SPRR2G: variants seen among roughly 807,000 people sequenced by gnomAD.
SPRR2G encodes the protein small proline-rich protein 2G.
In SPRR2G, 1 loss-of-function variant was observed where a neutral mutation model predicts 0.7. The observed-to-expected ratio is 1.49, with a 90% CI of 0.53 to 7.06. SPRR2G has a LOEUF of 7.06. Ranked by LOEUF, SPRR2G falls within the 30% of genes most tolerant of loss-of-function variation. SPRR2G has a pLI of 0.14. For synonymous variants in SPRR2G, 38 were observed against 33.9 expected (o/e 1.12, Z -0.42); for missense variants, 96 against 88.5 (o/e 1.09, Z -0.34).
At chr1:153,201,605 G>A in the SPRR2G span, among the ~76,000 whole-genome samples, 3 of 152,178 alleles carry the variant, frequency 2.0e-5, no homozygotes, top group South Asian at 4.1e-4. Flanking sequence ...TCTTATGAAA[G>A]GAGTGAGCTG....
At chr1:153,182,585 CCTCT>C in the SPRR2G span, among the ~76,000 whole-genome samples, 2 of 152,054 alleles carry the variant, frequency 1.3e-5, no homozygotes, top group African/African-American at 2.4e-5. Flanking sequence ...TGTTCCCCTC[CCTCT>C]GTCCATGTGT....
the SPRR2G span, among the ~76,000 whole-genome samples, chr1:153,196,881 G>A: frequency 1.3e-5 from 2 of 152,170 alleles, no homozygotes; most frequent in African/African-American, 2.4e-5. Context: ...TATTGCCCTT[G>A]CTTGTAGCTG....
At chr1:153,173,324 G>A in the SPRR2G span, among the ~76,000 whole-genome samples, 4 of 152,158 alleles carry the variant, frequency 2.6e-5, no homozygotes, top group African/African-American at 9.7e-5. Flanking sequence ...CAGAGCCTGT[G>A]GTTTGGACAA....
chr1:153,165,626 G>A, the SPRR2G span, among the ~76,000 whole-genome samples: 2 of 152,274 alleles, frequency 1.3e-5, no homozygotes, highest in South Asian at 2.1e-4. Context: ...TGGTCCAGAG[G>A]TTAAGAAAAC....
At chr1:153,190,385 C>G in the SPRR2G span, 1 of 152,302 alleles carries the variant, frequency 6.6e-6, no homozygotes, top group African/African-American at 2.4e-5. Flanking sequence ...CTAGAAGATG[C>G]TACCTGTCTT....
the SPRR2G span, among the ~76,000 whole-genome samples, chr1:153,183,755 T>G: frequency 6.6e-6 from 1 of 152,222 alleles, no homozygotes; most frequent in Non-Finnish European, 1.5e-5. Flanking sequence ...TGGCTTTTGT[T>G]GCAATTGCTT....
At chr1:153,154,225 G>T (rs1656534139), upstream of SPRR2G, among the ~76,000 whole-genome samples, 1 of 151,324 alleles carries the variant, frequency 6.6e-6, no homozygotes, top group South Asian at 2.1e-4. Flanking sequence ...ACTTGATCAT[G>T]TTGCATTATT....
At chr1:153,197,648 C>A in the SPRR2G span, among the ~76,000 whole-genome samples, 2 of 152,158 alleles carry the variant, frequency 1.3e-5, no homozygotes, top group Non-Finnish European at 2.9e-5. Flanking sequence ...CAGCATTGCC[C>A]CCCGGCAGAA....
chr1:153,163,256 G>A, the SPRR2G span, among the ~76,000 whole-genome samples: 2 of 152,176 alleles, frequency 1.3e-5, no homozygotes, highest in Admixed American at 6.5e-5. Flanking sequence ...GTGTGCACAT[G>A]TGATTGATAA....
At chr1:153,159,161 T>C in the SPRR2G span, among the ~76,000 whole-genome samples, 1 of 152,230 alleles carries the variant, frequency 6.6e-6, no homozygotes. Context: ...ATCATATCTT[T>C]GTGAATGTAT....
At chr1:153,193,251 G>C in the SPRR2G span, among the ~76,000 whole-genome samples, 2 of 152,090 alleles carry the variant, frequency 1.3e-5, no homozygotes, top group African/African-American at 4.8e-5. Flanking sequence ...GAGGTTTTCT[G>C]TGACCCACTC....
the SPRR2G span, among the ~76,000 whole-genome samples, chr1:153,192,273 T>C: frequency 0.014 from 2,125 of 152,278 alleles, 44 homozygotes; most frequent in African/African-American, 0.049. Flanking sequence ...GTTTCTTCCT[T>C]GGGTTCCTAA....
At chr1:153,195,709 T>C in the SPRR2G span, among the ~76,000 whole-genome samples, 3 of 152,190 alleles carry the variant, frequency 2.0e-5, no homozygotes, top group African/African-American at 7.2e-5. Flanking sequence ...TATCACCTCC[T>C]CTCCTAAGAG....
At chr1:153,170,452 T>C in the SPRR2G span, among the ~76,000 whole-genome samples, 4 of 152,224 alleles carry the variant, frequency 2.6e-5, no homozygotes, top group East Asian at 7.7e-4. Flanking sequence ...AAAAGCCAAC[T>C]TCAAGGACAC....
the SPRR2G span, among the ~76,000 whole-genome samples, chr1:153,158,668 C>T: frequency 2.0e-5 from 3 of 152,224 alleles, no homozygotes; most frequent in Non-Finnish European, 4.4e-5. Context: ...GTGGGGGCTC[C>T]AACCCCACTT....
At chr1:153,166,373 A>G in the SPRR2G span, among the ~76,000 whole-genome samples, 820 of 152,308 alleles carry the variant, frequency 5.4e-3, 12 homozygotes, top group Middle Eastern at 0.02. Context: ...CCTCTCCTAC[A>G]TGGGCATTTA....
chr1:153,176,873 T>G, the SPRR2G span, among the ~76,000 whole-genome samples: 2 of 152,176 alleles, frequency 1.3e-5, no homozygotes, highest in African/African-American at 4.8e-5. Flanking sequence ...AACAAAGAAC[T>G]TAGAACAATG....
chr1:153,166,089 T>C, the SPRR2G span, among the ~76,000 whole-genome samples: 1 of 152,200 alleles, frequency 6.6e-6, no homozygotes, highest in Non-Finnish European at 1.5e-5. Flanking sequence ...AAGCCATCCC[T>C]AGTGCCTCAC....
At chr1:153,199,713 T>A in the SPRR2G span, among the ~76,000 whole-genome samples, 7,549 of 150,488 alleles carry the variant, frequency 0.05, 396 homozygotes, top group East Asian at 0.18. Flanking sequence ...ATTACTGAAA[T>A]AAGATTTTTT....
Sources: allele counts gnomAD v4.1 joint callset (sites outside exome capture counted in the v4.1 genomes callset), GRCh38; gene constraint gnomAD v4.1.1; transcripts MANE v1.5; gene names NCBI Gene and HGNC (gene_info 2026-07-23, HGNC 2026-07-21).